Variants in DHX33 observed in about 807,000 individuals in gnomAD.
The protein encoded by DHX33 is DEAH-box helicase 33.
Under a neutral mutation model 72.5 loss-of-function variants are expected in DHX33, and 42 were observed. That is an observed-to-expected ratio of 0.58 (90% confidence interval 0.45 to 0.75). The LOEUF is 0.75. Among genes scored for constraint, DHX33 ranks in the 30% least tolerant of loss-of-function variants. The pLI, the probability that DHX33 is intolerant of heterozygous loss-of-function variation, is 0.00. For synonymous variants in DHX33, 358 were observed against 366.1 expected (o/e 0.98, Z 0.25); for missense variants, 842 against 917.5 (o/e 0.92, Z 1.06).
chr17:5,445,130 G>A (rs1488888827), intron 11 of DHX33, among the ~76,000 whole-genome samples: 2 of 151,246 alleles, frequency 1.3e-5, no homozygotes, highest in Non-Finnish European at 2.9e-5. Flanking sequence ...CCAGGCTGGA[G>A]TGCAATGGCG....
Position 5,468,970 on chromosome 17 carries a change from C to A in DHX33, c.-111G>T. The A allele has an allele frequency of 1.7e-6, 1 of 604,732 alleles. No homozygotes were observed. Among genetic ancestry groups the A allele is most frequent in the Non-Finnish European group, 2.8e-6 (1 of 362,578 alleles). The allele number at this position is 604,732 out of a possible 1,614,324, so 37.5% of individuals were successfully genotyped here. The stretch of plus-strand genomic sequence containing the variant: ...TCCTCGCCGCCACGTGCTGGCGGCT[C>A]CCGGCGACCACCGATGACCTCACGG... On this transcript the variant is annotated 5_prime_UTR_variant, in exon 1 of 12. Transcript: ENST00000225296.
In DHX33 at chr17:5,444,434, G is replaced by C. The variant is rs1916559900; in HGVS notation, c.1895C>G (p.Thr632Ser). ...RCLAHSLFMSTAELQPDGTYA... is the reference protein window; with the variant it reads ...RCLAHSLFMSSAELQPDGTYA... The stretch of plus-strand genomic sequence containing the variant: ...GGTGCCATCTGGCTGAAGCTCGGCG[G>C]TGCTCATGAAGAGGCTGTGAGCCAG... The change falls in exon 12 of 12, where the codon ACC becomes AGC. Residue 632 changes from threonine to serine, a missense_variant. By Grantham distance (58) the Thr-to-Ser change is moderately conservative. Coordinates refer to ENST00000225296, the MANE Select transcript of DHX33 (RefSeq NM_020162.4). This position sits in a 1 kb window ranked among gnomAD's most constrained non-coding sequence, Gnocchi z 4.9. The C allele has an allele frequency of 6.2e-7, 1 of 1,614,116 alleles. No individual in the cohort carries two copies. Among genetic ancestry groups the C allele is most frequent in the Admixed American group, 1.7e-5 (1 of 60,016 alleles).
At chr17:5,468,291 C>T (rs1193411014) in intron 1 of DHX33, among the ~76,000 whole-genome samples, 5 of 152,200 alleles carry the variant, frequency 3.3e-5, no homozygotes, top group African/African-American at 9.7e-5. Context: ...GTCAGATCCA[C>T]TCTTCTAAGA....
In DHX33 at chr17:5,463,683, G is replaced by C. The variant is rs759543627; in HGVS notation, c.296C>G (p.Thr99Ser). 5 of 1,603,248 alleles carry C rather than the reference G, an allele frequency of 3.1e-6. No individual in the cohort carries two copies. Among genetic ancestry groups the C allele is most frequent in the Admixed American group, 3.4e-5 (2 of 58,322 alleles). Residue 99 changes from threonine (T) to serine (S), a missense_variant, in exon 2 of 12, where the codon ACT becomes AGT. Transcript: ENST00000225296. Reference protein sequence around the residue: ...NLDNAVLIGETGSGKTTQIPQ... With the variant: ...NLDNAVLIGESGSGKTTQIPQ... ...GATCTGAGTTGTCTTCCCAGAGCCA[G>C]TTTCCCCTAGGAGAGAGGGGGAAAA... is the stretch of plus-strand genomic sequence containing the variant.
chr17:5,464,570 T>C (rs1034180311), intron 1 of DHX33, among the ~76,000 whole-genome samples: 3 of 152,194 alleles, frequency 2.0e-5, no homozygotes, highest in African/African-American at 7.2e-5. Flanking sequence ...CTTGCAGAAA[T>C]TGATTCTAAC....
chr17:5,462,614 T>C (rs1904692908), intron 2 of DHX33, 68 bp from the exon 3 acceptor site: 1 of 1,190,808 alleles, frequency 8.4e-7, no homozygotes, highest in Non-Finnish European at 1.2e-6. Context: ...CGGCACTAAG[T>C]TGGGCACTTG....
rs1916521447 is a variant in DHX33 at position 5,443,747 on chromosome 17, A to C, written c.*458T>G. ...TTCCAGAAAATCTCCCTCAGTCACAAGAACTTGGGATATTGCTGTACTTCA... is the reference window on the plus strand; with the variant it reads ...TTCCAGAAAATCTCCCTCAGTCACACGAACTTGGGATATTGCTGTACTTCA... On this transcript the variant is annotated 3_prime_UTR_variant, in exon 12 of 12. Coordinates refer to ENST00000225296, the MANE Select transcript of DHX33 (RefSeq NM_020162.4). 1 of 155,018 alleles carries C rather than the reference A, an allele frequency of 6.5e-6. No homozygotes were observed. The highest frequency in any genetic ancestry group is 1.9e-4 in the East Asian group (1 of 5,240). 9.6% of individuals were successfully genotyped at this position (155,018 alleles called of 1,614,324 possible).
At position 5,443,059 on chromosome 17, in the gene DHX33, CAGCTCT is replaced by C. The variant is rs901291983; in HGVS notation, c.*1140_*1145del. The stretch of plus-strand genomic sequence containing the variant: ...TAATAAGATGCAAGAATAAGTGTTA[CAGCTCT>C]AGCTCTTTTAGAATTTGTCCAGCAG... On this transcript the variant is annotated 3_prime_UTR_variant, in exon 12 of 12. Coordinates refer to ENST00000225296, the MANE Select transcript of DHX33 (RefSeq NM_020162.4). The C allele has an allele frequency of 6.6e-6, 1 of 152,186 alleles. No individual in the cohort carries two copies. Among genetic ancestry groups the C allele is most frequent in the African/African-American group, 2.4e-5 (1 of 41,442 alleles). The allele number at this position is 152,186 out of a possible 1,614,324, so 9.4% of individuals were successfully genotyped here.
At position 5,444,312 on chromosome 17, in the gene DHX33, A is replaced by C; in HGVS notation, c.2017T>G (p.Tyr673Asp). ...TCCCGCATGTAGCACTTGTTGGTGT[A>C]GAGCAGCTCAGTGTACACGACGCAG... The part of the protein sequence containing the change: ...PACVVYTELL[Y>D]TNKCYMRDLC... The change falls in exon 12 of 12, where the codon TAC (tyrosine) becomes GAC (aspartate). Residue 673 changes from tyrosine (Y) to aspartate (D), a missense_variant. Transcript: ENST00000225296. The surrounding 1 kb of genome is among the most constrained non-coding windows in gnomAD (Gnocchi z 4.9). 2 of 1,614,180 alleles carry C rather than the reference A, an allele frequency of 1.2e-6. No homozygotes were observed. Among genetic ancestry groups the C allele is most frequent in the Non-Finnish European group, 1.7e-6 (2 of 1,180,038 alleles).
At chr17:5,462,203 G>A in intron 3 of DHX33, 116 bp downstream of exon 3, 1 of 946,524 alleles carries the variant, frequency 1.1e-6, no homozygotes, top group South Asian at 1.7e-5. Flanking sequence ...GCCTCCCAAA[G>A]TGCTGGGATT....
At chr17:5,449,736 C>T (rs1004413484) in intron 10 of DHX33, among the ~76,000 whole-genome samples, 7 of 152,120 alleles carry the variant, frequency 4.6e-5, no homozygotes, top group Non-Finnish European at 8.8e-5. Context: ...TGTGCCTGGC[C>T]CTGGGCAAGT....
In DHX33 at chr17:5,444,166, T is replaced by TC. The variant is rs762960523; in HGVS notation, c.*38dup. 6.3e-7 allele frequency: 1 copy of TC among 1,586,936 alleles called. No individual in the cohort carries two copies. Among genetic ancestry groups the TC allele is most frequent in the Non-Finnish European group, 8.6e-7 (1 of 1,164,494 alleles). On this transcript the variant is annotated 3_prime_UTR_variant, in exon 12 of 12. Transcript: ENST00000225296. The surrounding 1 kb of genome is among the most constrained non-coding windows in gnomAD (Gnocchi z 4.9). ...CTGTAAGGACAACTGTAGTCCAAGCTCCCAGGGACCAGTGATTCTGGCGGC... is the reference window on the plus strand; with the variant it reads ...CTGTAAGGACAACTGTAGTCCAAGCTCCCCAGGGACCAGTGATTCTGGCGGC...
At chr17:5,453,446 A>G (rs867755966) in intron 8 of DHX33, 134 bp downstream of exon 8, 2 of 702,800 alleles carry the variant, frequency 2.8e-6, no homozygotes, top group Non-Finnish European at 2.5e-6. Context: ...ATGCTTCTCT[A>G]ATAACTAATG....
chr17:5,447,920 TGGAATCCCA>T (rs905901676), intron 11 of DHX33, among the ~76,000 whole-genome samples: 2 of 152,204 alleles, frequency 1.3e-5, no homozygotes, highest in African/African-American at 4.8e-5. Flanking sequence ...GGCTCACACC[TGGAATCCCA>T]GCACTTCGGG....
intron 3 of DHX33, 50 bp from the exon 4 acceptor site, chr17:5,461,159 T>C (rs1362677710): frequency 1.3e-6 from 2 of 1,563,474 alleles, no homozygotes; most frequent in Non-Finnish European, 1.7e-6. Flanking sequence ...TGGGAAGGCC[T>C]TTCCGTGTCC....
At chr17:5,463,058 G>A (rs896832133) in intron 2 of DHX33, among the ~76,000 whole-genome samples, 4 of 151,592 alleles carry the variant, frequency 2.6e-5, no homozygotes, top group Admixed American at 6.6e-5. Context: ...CAGCCTGGGC[G>A]ACCGAGCGAG....
Position 5,448,839 on chromosome 17 carries a change from G to C in DHX33, c.1785C>G (p.Val595=), listed in dbSNP as rs754119295. 1 of 1,612,838 alleles carries C rather than the reference G, an allele frequency of 6.2e-7. No individual in the cohort carries two copies. Among genetic ancestry groups the C allele is most frequent in the Non-Finnish European group, 8.5e-7 (1 of 1,179,488 alleles). Residue 595 remains valine, a synonymous_variant, in exon 11 of 12, where the codon GTC becomes GTG. Transcript: ENST00000225296. Reference sequence around the variant, plus strand: ...AGCAGATGTCCCTCAGCTGTGCTCTGACTTCTGCTACCAGCGTCATATTCT... The same window carrying C: ...AGCAGATGTCCCTCAGCTGTGCTCTCACTTCTGCTACCAGCGTCATATTCT... ...NSKNMTLVAE[V]RAQLRDICLK...
At position 5,444,192 on chromosome 17, in the gene DHX33, A is replaced by T; in HGVS notation, c.*13T>A. 1 of 1,607,742 alleles carries T rather than the reference A, an allele frequency of 6.2e-7. No individual in the cohort carries two copies. The highest frequency in any genetic ancestry group is 8.5e-7 in the Non-Finnish European group (1 of 1,175,336). On this transcript the variant is annotated 3_prime_UTR_variant, in exon 12 of 12. Transcript: ENST00000225296. This position sits in a 1 kb window ranked among gnomAD's most constrained non-coding sequence, Gnocchi z 4.9. ...CCCAGGGACCAGTGATTCTGGCGGC[A>T]TCCTGGGGCGGCTCAGTTTCTGGCG... is the stretch of plus-strand genomic sequence containing the variant.
intron 5 of DHX33, among the ~76,000 whole-genome samples, chr17:5,455,762 T>G (rs904232098): frequency 6.6e-6 from 1 of 152,212 alleles, no homozygotes; most frequent in Non-Finnish European, 1.5e-5. Context: ...TCGTTTACCT[T>G]GCAGCTTTGG....
Sources: gnomAD v4.1 joint callset for allele counts (sites outside exome capture counted in the v4.1 genomes callset) on GRCh38, gnomAD v4.1.1 for gene constraint, Gnocchi (gnomAD v3.1) non-coding constraint, MANE v1.5 for transcripts, NCBI Gene and HGNC (gene_info 2026-07-23, HGNC 2026-07-21) for gene names.